SGCD: variants seen among roughly 807,000 people sequenced by gnomAD.
The protein encoded by SGCD is sarcoglycan delta.
In SGCD, 18 loss-of-function variants were observed where a neutral mutation model predicts 36.6. That is an observed-to-expected ratio of 0.49 (90% CI 0.34 to 0.73). The LOEUF (loss-of-function observed/expected upper bound fraction) is 0.73. Among genes scored for constraint, SGCD ranks in the 30% least tolerant of loss-of-function variants. SGCD has a pLI of 0.01. For synonymous variants in SGCD, 133 were observed against 130.6 expected, an observed-to-expected ratio of 1.02 and a Z score of -0.12; for missense variants, 387 against 346.7, an observed-to-expected ratio of 1.12 and a Z score of -0.92.
intron 1 of SGCD, among the ~76,000 whole-genome samples, chr5:156,111,030 T>C (rs540956202): frequency 8.5e-5 from 13 of 152,220 alleles, no homozygotes; most frequent in African/African-American, 3.1e-4. Flanking sequence ...ATTTACACTA[T>C]TACATTAAAG....
intron 7 of SGCD, among the ~76,000 whole-genome samples, chr5:156,750,295 A>G (rs1323262568): frequency 6.6e-6 from 1 of 152,212 alleles, no homozygotes; most frequent in Non-Finnish European, 1.5e-5. Context: ...TTTCCTCTTT[A>G]AGGTGAGGAA....
intron 3 of SGCD, among the ~76,000 whole-genome samples, chr5:156,473,968 GTT>G (rs113602671): frequency 0.02 from 2,901 of 144,234 alleles, 32 homozygotes; most frequent in Non-Finnish European, 0.033. Flanking sequence ...TTGTGTGTGG[GTT>G]TTTTTTTTTT....
chr5:156,482,368 T>C (rs1755469681), intron 3 of SGCD, among the ~76,000 whole-genome samples: 1 of 152,230 alleles, frequency 6.6e-6, no homozygotes, highest in Non-Finnish European at 1.5e-5. Flanking sequence ...TTATCTATTA[T>C]ATAGGAAGGG....
chr5:156,279,755 A>G (rs1353420014), intron 3 of SGCD, among the ~76,000 whole-genome samples: 3 of 152,092 alleles, frequency 2.0e-5, no homozygotes, highest in Non-Finnish European at 4.4e-5. Flanking sequence ...GGAAGTGATG[A>G]GAATAAAGAA....
At chr5:156,548,029 C>A (rs940519798) in intron 4 of SGCD, among the ~76,000 whole-genome samples, 2 of 152,164 alleles carry the variant, frequency 1.3e-5, no homozygotes, top group Admixed American at 6.5e-5. Flanking sequence ...GGGCTGGTTC[C>A]CTGCAGTATT....
At chr5:156,752,497 A>C (rs1163526016) in intron 7 of SGCD, among the ~76,000 whole-genome samples, 1 of 152,026 alleles carries the variant, frequency 6.6e-6, no homozygotes, top group Non-Finnish European at 1.5e-5. Context: ...GGTTCAAGCA[A>C]TTCTCTTGCC....
chr5:156,234,138 T>C (rs1252862231), intron 3 of SGCD, among the ~76,000 whole-genome samples: 8 of 152,232 alleles, frequency 5.3e-5, no homozygotes, highest in African/African-American at 1.9e-4. Flanking sequence ...ACATAAGATG[T>C]GAAGCATGTT....
chr5:155,761,824 C>T, the SGCD span, among the ~76,000 whole-genome samples: 4 of 152,074 alleles, frequency 2.6e-5, no homozygotes, highest in African/African-American at 9.7e-5. Context: ...ACCTTTCCAT[C>T]ACCTTCTCCA....
chr5:155,947,884 C>G (rs891997645), intron 1 of SGCD, among the ~76,000 whole-genome samples: 2 of 151,700 alleles, frequency 1.3e-5, no homozygotes, highest in African/African-American at 4.9e-5. Flanking sequence ...TATGAACTTG[C>G]GTAAGACACA....
In SGCD at chr5:156,264,532, C is replaced by T. The variant is rs568693077; in HGVS notation, c.-43-65002C>T. On this transcript the variant is annotated intron_variant, in intron 3 of 9. Transcript: ENST00000517913. ...TCCTGAGTTCAAATTCCAATGCTAT[C>T]ACTTCCCAGGTCCTGAGATTATCAC... 3.3e-5 allele frequency among the ~76,000 whole-genome samples: 5 copies of T among 152,226 alleles called. No homozygotes were observed. The South Asian group carries it at 1.0e-3, about 32-fold the overall frequency.
chr5:156,759,334 C>T lies in SGCD; in HGVS notation c.817C>T (p.Leu273=), dbSNP rs375029639. 36 of 1,613,232 alleles carry T rather than the reference C, an allele frequency of 2.2e-5. No individual in the cohort carries two copies. In the African/African-American group the frequency reaches 4.4e-4, roughly 20 times the overall value. ...CGTCTGCGCCAATGGGAGATTATTC[C>T]TGTCTCAGGCAGGAGCTGGGTCCAC... ...ICVCANGRLF[L]SQAGAGSTCQ... Residue 273 remains leucine (L), a synonymous_variant, in exon 9 of 9, where the codon CTG becomes TTG. Transcript: ENST00000337851.
intron 3 of SGCD, among the ~76,000 whole-genome samples, chr5:156,466,335 G>A (rs902728173): frequency 2.0e-5 from 3 of 152,088 alleles, no homozygotes; most frequent in Admixed American, 1.3e-4. Context: ...TTTAACTCTT[G>A]TACACAACTA....
At chr5:155,958,238 AT>A (rs1316639526) in intron 1 of SGCD, among the ~76,000 whole-genome samples, 4 of 152,114 alleles carry the variant, frequency 2.6e-5, no homozygotes, top group Non-Finnish European at 5.9e-5. Flanking sequence ...GTTGACTTTC[AT>A]TGATTGGGTA....
chr5:156,417,316 C>A (rs1290896339), intron 3 of SGCD, among the ~76,000 whole-genome samples: 5 of 152,128 alleles, frequency 3.3e-5, no homozygotes, highest in African/African-American at 1.2e-4. Context: ...TTGCATACCT[C>A]TCTAGTCATT....
chr5:155,812,185 G>A, the SGCD span, among the ~76,000 whole-genome samples: 22 of 152,292 alleles, frequency 1.4e-4, no homozygotes, highest in East Asian at 3.1e-3. Context: ...GGCAAGATGA[G>A]GGTGTTTATA....
intron 4 of SGCD, among the ~76,000 whole-genome samples, chr5:156,522,379 A>G (rs4447971): frequency 0.27 from 41,248 of 152,060 alleles, 5,748 homozygotes; most frequent in Non-Finnish European, 0.31. Context: ...TGTGGTACAT[A>G]TACACCATGA....
intron 4 of SGCD, among the ~76,000 whole-genome samples, chr5:156,574,035 G>A (rs74466783): frequency 0.04 from 6,066 of 152,154 alleles, 265 homozygotes; most frequent in African/African-American, 0.1. Context: ...CACATATTGA[G>A]TCCTCACCCT....
intron 3 of SGCD, among the ~76,000 whole-genome samples, chr5:156,436,119 G>T (rs1561694157): frequency 6.6e-6 from 1 of 152,278 alleles, no homozygotes; most frequent in Admixed American, 6.5e-5. Context: ...CCGGGCCACA[G>T]TTTCTCAATG....
chr5:155,976,694 A>G (rs953040173), intron 1 of SGCD, among the ~76,000 whole-genome samples: 2 of 152,094 alleles, frequency 1.3e-5, no homozygotes, highest in Non-Finnish European at 2.9e-5. Flanking sequence ...CCTCCTCCTC[A>G]GAGGAACAAC....
Sources: allele counts gnomAD v4.1 joint callset (sites outside exome capture counted in the v4.1 genomes callset), GRCh38; gene constraint gnomAD v4.1.1; transcripts MANE v1.5; gene names NCBI Gene and HGNC (gene_info 2026-07-23, HGNC 2026-07-21).